Variants in PDE1A observed in about 807,000 individuals in gnomAD.
PDE1A encodes the protein phosphodiesterase 1A, also known as dual specificity calcium/calmodulin-dependent 3',5'-cyclic nucleotide phosphodiesterase 1A.
PDE1A carries 35 observed loss-of-function variants against 61.7 expected under a neutral mutation model. The observed-to-expected ratio is 0.57, with a 90% CI of 0.43 to 0.75. The LOEUF is 0.75. PDE1A is among the 30% of genes least tolerant of loss of function. PDE1A has a pLI of 0.00. For synonymous variants in PDE1A, 232 were observed against 213.2 expected, an observed-to-expected ratio of 1.09 and a Z score of -0.77; for missense variants, 597 against 630.6, an observed-to-expected ratio of 0.95 and a Z score of 0.57.
chr2:182,188,473 A>G (rs745681236), intron 11 of PDE1A, among the ~76,000 whole-genome samples: 5 of 152,378 alleles, frequency 3.3e-5, no homozygotes, highest in Admixed American at 1.3e-4. Flanking sequence ...ACACAAATAC[A>G]GATGATAAGA....
the PDE1A span, among the ~76,000 whole-genome samples, chr2:182,601,855 G>A: frequency 1.2e-4 from 19 of 152,278 alleles, no homozygotes; most frequent in East Asian, 3.7e-3. Flanking sequence ...CTGAGCCCAG[G>A]ACTTTTATGG....
chr2:182,349,384 T>C (rs913043300), intron 1 of PDE1A, among the ~76,000 whole-genome samples: 2 of 152,220 alleles, frequency 1.3e-5, no homozygotes, highest in African/African-American at 2.4e-5. Flanking sequence ...GTTGAGTTCT[T>C]GGGATCTTAA....
At chr2:182,696,398 C>T in the PDE1A span, among the ~76,000 whole-genome samples, 1 of 152,092 alleles carries the variant, frequency 6.6e-6, no homozygotes, top group Non-Finnish European at 1.5e-5. Flanking sequence ...AACTACATGA[C>T]GTTCTGAAAA....
the PDE1A span, among the ~76,000 whole-genome samples, chr2:182,594,316 T>C: frequency 6.6e-6 from 1 of 152,228 alleles, no homozygotes; most frequent in Admixed American, 6.5e-5. Context: ...CATCTCTAGA[T>C]AGAGTCTAAG....
intron 1 of PDE1A, among the ~76,000 whole-genome samples, chr2:182,393,983 C>T (rs1412151985): frequency 6.6e-6 from 1 of 152,148 alleles, no homozygotes; most frequent in Non-Finnish European, 1.5e-5. Flanking sequence ...TCCAAGTCTC[C>T]AGGAAGTTCC....
intron 7 of PDE1A, among the ~76,000 whole-genome samples, chr2:182,213,892 C>G (rs1248986784): frequency 4.1e-5 from 5 of 123,090 alleles, no homozygotes; most frequent in African/African-American, 1.5e-4. Flanking sequence ...GGCAGGCCAA[C>G]GTTCACATTC....
chr2:182,363,135 G>A (rs1344923411), intron 1 of PDE1A, among the ~76,000 whole-genome samples: 4 of 151,864 alleles, frequency 2.6e-5, no homozygotes, highest in East Asian at 1.9e-4. Context: ...CCTGGGTGAC[G>A]AAATAATCTG....
intron 2 of PDE1A, among the ~76,000 whole-genome samples, chr2:182,484,791 A>T (rs1687912947): frequency 6.6e-6 from 1 of 152,102 alleles, no homozygotes; most frequent in Non-Finnish European, 1.5e-5. Flanking sequence ...ATTATTACAG[A>T]ATGCAAATAA....
At chr2:182,539,861 A>T in the PDE1A span, among the ~76,000 whole-genome samples, 2 of 152,238 alleles carry the variant, frequency 1.3e-5, no homozygotes, top group Non-Finnish European at 1.5e-5. Flanking sequence ...TATGGAGTAA[A>T]GTTCATTCAG....
the PDE1A span, among the ~76,000 whole-genome samples, chr2:182,544,066 T>G: frequency 6.6e-6 from 1 of 152,176 alleles, no homozygotes; most frequent in Non-Finnish European, 1.5e-5. Flanking sequence ...CTTCTCTCAG[T>G]AATAAGCGGG....
chr2:182,264,584 T>G (rs757482660), intron 1 of PDE1A, among the ~76,000 whole-genome samples, 170 bp from the exon 2 acceptor site: 1 of 151,968 alleles, frequency 6.6e-6, no homozygotes, highest in Non-Finnish European at 1.5e-5. Flanking sequence ...GACCAGTCTT[T>G]ATTATGTAAG....
chr2:182,517,013 G>T lies in PDE1A; in HGVS notation c.101+5263C>A, dbSNP rs571914580. Reference sequence around the variant, plus strand: ...AAGTAACATATCCTTTGGTTCAGGGGATTAAGACGTGGACATTTCTGGAGG... The same window carrying T: ...AAGTAACATATCCTTTGGTTCAGGGTATTAAGACGTGGACATTTCTGGAGG... On this transcript the variant is annotated intron_variant, in intron 2 of 14. Coordinates refer to the PDE1A transcript ENST00000410103. Among the ~76,000 whole-genome samples the T allele has an allele frequency of 3.9e-5, 6 of 152,252 alleles. No homozygotes were observed. In the East Asian group the frequency reaches 1.2e-3, roughly 29 times the overall value.
the PDE1A span, among the ~76,000 whole-genome samples, chr2:182,634,973 A>C: frequency 6.6e-6 from 1 of 152,232 alleles, no homozygotes; most frequent in African/African-American, 2.4e-5. Context: ...AATTATTATA[A>C]GTAATGTCAT....
rs559865257 is a variant in PDE1A, at chr2:182,513,961, T to G, written c.101+8315A>C. ...TTCATAAAACAAGTGCTTAGAGACC[T>G]ACAAAAAGACTTAGATAACCATACA... On this transcript the variant is annotated intron_variant, in intron 2 of 14. Transcript: ENST00000410103. Among the ~76,000 whole-genome samples, 15 of 152,270 alleles carry G rather than the reference T, an allele frequency of 9.9e-5. 1 individual carries two copies. In the South Asian group the frequency reaches 2.9e-3, roughly 29 times the overall value.
chr2:182,548,611 C>A, the PDE1A span, among the ~76,000 whole-genome samples: 10 of 152,226 alleles, frequency 6.6e-5, no homozygotes, highest in East Asian at 1.9e-3. Context: ...AATAAGGAGG[C>A]TAGAGCACTT....
intron 1 of PDE1A, among the ~76,000 whole-genome samples, chr2:182,333,795 G>A (rs909266267): frequency 1.3e-5 from 2 of 152,170 alleles, no homozygotes; most frequent in African/African-American, 4.8e-5. Context: ...CCAGGAGCTG[G>A]TCTTTTGAAA....
At chr2:182,403,553 C>G (rs1292072048) in intron 1 of PDE1A, among the ~76,000 whole-genome samples, 10 of 148,054 alleles carry the variant, frequency 6.8e-5, no homozygotes, top group African/African-American at 2.5e-4. Context: ...GAGCCGAGAT[C>G]GCGCCACTGC....
the PDE1A span, among the ~76,000 whole-genome samples, chr2:182,625,401 G>T: frequency 6.6e-6 from 1 of 152,190 alleles, no homozygotes; most frequent in Non-Finnish European, 1.5e-5. Context: ...GAAATAGGTA[G>T]TTAGTTTAAC....
chr2:182,161,727 TCTAA>T lies in PDE1A; in HGVS notation c.1517-14579_1517-14576del, dbSNP rs377753543. Among the ~76,000 whole-genome samples the T allele has an allele frequency of 2.9e-3, 445 of 152,210 alleles. 3 individuals are homozygous for T. Among genetic ancestry groups the T allele is most frequent in the Middle Eastern group, 0.014 (4 of 294 alleles). On this transcript the variant is annotated intron_variant, in intron 13 of 13. Transcript: ENST00000409365. Reference sequence around the variant, plus strand: ...TACTCCAAAAGAACTACTTGAGTGTTCTAACTGATACCAGCAGAAATCCAAGAAA... The same window carrying T: ...TACTCCAAAAGAACTACTTGAGTGTTCTGATACCAGCAGAAATCCAAGAAA...
Sources: gnomAD v4.1 joint callset for allele counts (sites outside exome capture counted in the v4.1 genomes callset) on GRCh38, gnomAD v4.1.1 for gene constraint, MANE v1.5 for transcripts, NCBI Gene and HGNC (gene_info 2026-07-23, HGNC 2026-07-21) for gene names.